Variants in MIB2 observed in about 807,000 individuals in gnomAD.
MIB2 encodes the protein MIB E3 ubiquitin protein ligase 2, also known as E3 ubiquitin-protein ligase MIB2.
In MIB2, 78 loss-of-function variants were observed where a neutral mutation model predicts 96.6. The observed-to-expected ratio is 0.81, with a 90% CI of 0.67 to 0.97. The LOEUF (loss-of-function observed/expected upper bound fraction) is 0.97. MIB2 is among the 50% of genes least tolerant of loss of function. The probability of loss-of-function intolerance (pLI) is 0.00; values close to 1 mark genes in which losing one functional copy is unlikely to be tolerated. For missense variants in MIB2, 1,543 were observed against 1,424.0 expected, an observed-to-expected ratio of 1.08 and a Z score of -1.35; for synonymous variants, 820 against 629.5, an observed-to-expected ratio of 1.30 and a Z score of -4.53.
chr1:1,621,269 G>A (rs1644238091), intron 2 of MIB2, among the ~76,000 whole-genome samples: 1 of 152,172 alleles, frequency 6.6e-6, no homozygotes, highest in South Asian at 2.1e-4. Flanking sequence ...CTGGCTCCGC[G>A]GGGCCTCCGA....
chr1:1,617,286 C>T (rs1643837682), intron 2 of MIB2: 1 of 152,372 alleles, frequency 6.6e-6, no homozygotes, highest in Non-Finnish European at 1.5e-5. Context: ...TAACTTGCTT[C>T]TTCTGAATAA....
Position 1,615,749 on chromosome 1 carries a change from G to A in MIB2, c.-130+116G>A, listed in dbSNP as rs1643558371. ...CCGCTCCCGCTGGCCCAGCAGCCCC[G>A]GGCTGGACTCGGCGTAGGGTCCGCA... On this transcript the variant is annotated intron_variant, in intron 1 of 19. Coordinates refer to ENST00000355826, the MANE Select transcript of MIB2 (RefSeq NM_001170687.4). The A allele has an allele frequency of 6.9e-6, 10 of 1,459,460 alleles. 1 individual carries two copies. Among genetic ancestry groups the A allele is most frequent in the African/African-American group, 3.0e-5 (2 of 67,036 alleles). 90.4% of individuals were successfully genotyped at this position (1,459,460 alleles called of 1,614,324 possible).
At position 1,615,543 on chromosome 1, in the gene MIB2, C is replaced by T; in HGVS notation, c.-220C>T. On this transcript the variant is annotated 5_prime_UTR_variant, in exon 1 of 20. Transcript: ENST00000355826. ...TTTCCAGCCGCCGCTCTCCTCAGTG[C>T]CCGGTGGCCCAGGAGGGCCTGGGAG... The T allele has an allele frequency of 6.5e-7, 1 of 1,535,180 alleles. No homozygotes were observed.
rs780528113 is a variant in MIB2 at position 1,626,652 on chromosome 1, C to T, written c.975C>T (p.His325=). Residue 325 remains histidine, a splice_region_variant and synonymous_variant, in exon 9 of 20, where the codon CAC becomes CAT. Transcript: ENST00000355826. This position sits in a 1 kb window ranked among gnomAD's most constrained non-coding sequence, Gnocchi z 5.3. ...WTFHPGALTK[H]HSFWVGDVVR... ...TCACGCCCCTCTTTGTCGCTCAGCA[C>T]CACTCCTTCTGGGTGGGCGACGTGG... 1.3e-6 allele frequency: 2 copies of T among 1,568,628 alleles called. No individual in the cohort carries two copies.
chr1:1,629,198 G>C lies in MIB2; in HGVS notation c.2268G>C (p.Leu756=). The change falls in exon 17 of 20, where the codon CTG becomes CTC. Residue 756 remains leucine (L), a synonymous_variant. Coordinates refer to ENST00000355826, the MANE Select transcript of MIB2 (RefSeq NM_001170687.4). ...TGGGCGCGGCGGTCGCCTGCTTCCTGGCGCTGGAGGGCGCCGACGTGAGCT... is the reference window on the plus strand; with the variant it reads ...TGGGCGCGGCGGTCGCCTGCTTCCTCGCGCTGGAGGGCGCCGACGTGAGCT... The part of the protein sequence containing the change: ...LTVGAAVACF[L]ALEGADVSYT... The C allele has an allele frequency of 1.3e-6, 2 of 1,519,830 alleles. No homozygotes were observed. The highest frequency in any genetic ancestry group is 2.7e-5 in the East Asian group (1 of 37,494). 94.1% of individuals were successfully genotyped at this position (1,519,830 alleles called of 1,614,324 possible).
rs1192068623 is a variant in MIB2, at chr1:1,629,054, G to C, written c.2203-79G>C. ...TTTAGACATGGGGCGCCGGCTGCTGGGGCTGCCAGGTGCCAGGAGACGCCT... is the reference window on the plus strand; with the variant it reads ...TTTAGACATGGGGCGCCGGCTGCTGCGGCTGCCAGGTGCCAGGAGACGCCT... On this transcript the variant is annotated intron_variant, in intron 16 of 19. Coordinates refer to ENST00000355826, the MANE Select transcript of MIB2 (RefSeq NM_001170687.4). The C allele has an allele frequency of 7.5e-6, 10 of 1,332,256 alleles. No homozygotes were observed. In the East Asian group the frequency reaches 3.0e-4, roughly 40 times the overall value. The allele number at this position is 1,332,256 out of a possible 1,614,324, so 82.5% of individuals were successfully genotyped here. A position where few individuals can be genotyped will look rare whatever the true frequency, so the allele number is the denominator to read the frequency against.
At chr1:1,628,941 T>C (rs1427294890) in intron 16 of MIB2, 192 bp from the exon 17 acceptor site, 2 of 720,652 alleles carry the variant, frequency 2.8e-6, no homozygotes, top group Non-Finnish European at 4.4e-6. Context: ...TGGGGAGAGG[T>C]GGAGCTTAGG....
rs200838431 is a variant in MIB2 at position 1,616,607 on chromosome 1, C to G, written c.-30C>G. The G allele has an allele frequency of 2.2e-4, 354 of 1,592,460 alleles. No homozygotes were observed. The highest frequency in any genetic ancestry group is 3.3e-4 in the Middle Eastern group (2 of 6,022). Reference sequence around the variant, plus strand: ...GGCGGCCCGGCGGGCGACTGGACGGCCGGACAGGTGAGCTCTTGATCGTCC... The same window carrying G: ...GGCGGCCCGGCGGGCGACTGGACGGGCGGACAGGTGAGCTCTTGATCGTCC... On this transcript the variant is annotated 5_prime_UTR_variant, in exon 2 of 20. Coordinates refer to ENST00000355826, the MANE Select transcript of MIB2 (RefSeq NM_001170687.4).
At position 1,625,458 on chromosome 1, in the gene MIB2, GCCCTGCCCT is replaced by G; in HGVS notation, c.864+34_864+42del. 1.3e-6 allele frequency: 2 copies of G among 1,561,394 alleles called. No homozygotes were observed. Among genetic ancestry groups the G allele is most frequent in the South Asian group, 2.3e-5 (2 of 85,396 alleles). ...GCCGCCCCGCCGTGGAGCCCTGTGTGCCCTGCCCTCCCAGCCCTCCGCCCCCTCAGCCCC... is the reference window on the plus strand; with the variant it reads ...GCCGCCCCGCCGTGGAGCCCTGTGTGCCCAGCCCTCCGCCCCCTCAGCCCC... On this transcript the variant is annotated intron_variant, in intron 7 of 19. Coordinates refer to ENST00000355826, the MANE Select transcript of MIB2 (RefSeq NM_001170687.4). The surrounding 1 kb of genome is among the most constrained non-coding windows in gnomAD (Gnocchi z 5.0).
Position 1,629,147 on chromosome 1 carries a change from C to T in MIB2, c.2217C>T (p.Gly739=), listed in dbSNP as rs1365164549. The change falls in exon 17 of 20, where the codon GGC becomes GGT. Residue 739 remains glycine (G), a synonymous_variant. Transcript: ENST00000355826. ...CTGCCGCCCAGCTACAGGCCTCGGG[C>T]CTCCCCGGCAGCGCGGAGCTGACGG... The part of the protein sequence containing the change: ...LQLLSRLQAS[G]LPGSAELTVG... 10 of 1,495,434 alleles carry T rather than the reference C, an allele frequency of 6.7e-6. No individual in the cohort carries two copies. Among genetic ancestry groups the T allele is most frequent in the Non-Finnish European group, 8.8e-6 (10 of 1,131,236 alleles). The allele number at this position is 1,495,434 out of a possible 1,614,324, so 92.6% of individuals were successfully genotyped here.
Position 1,627,349 on chromosome 1 carries a change from C to T in MIB2, c.1428C>T (p.Gly476=). 6.2e-7 allele frequency: 1 copy of T among 1,613,108 alleles called. No individual in the cohort carries two copies. The highest frequency in any genetic ancestry group is 2.2e-5 in the East Asian group (1 of 44,870). Residue 476 remains glycine, a synonymous_variant, in exon 12 of 20, where the codon GGC becomes GGT. Transcript: ENST00000355826. ...RTALQVAAYL[G]QVELIRLLLQ... ...CTCTGCAAGTGGCTGCCTACCTGGG[C>T]CAGGTGGAGTTGATACGGCTGCTGC...
At position 1,627,559 on chromosome 1, in the gene MIB2, A is replaced by C. The variant is rs1231940444; in HGVS notation, c.1524-114A>C. The C allele has an allele frequency of 2.8e-6, 4 of 1,454,016 alleles. No individual in the cohort carries two copies. The African/African-American group carries it at 4.6e-5, about 17-fold the overall frequency. The allele number at this position is 1,454,016 out of a possible 1,614,324, so 90.1% of individuals were successfully genotyped here. A position where few individuals can be genotyped will look rare whatever the true frequency, so the allele number is the denominator to read the frequency against. On this transcript the variant is annotated intron_variant, in intron 12 of 19. Transcript: ENST00000355826. ...TGTGCGTCCTGGGGTGAGGCCTGGG[A>C]GGGGCCCGGCGGGGCTGAGCCTGTG...
At chr1:1,621,090 G>C (rs1165224202) in intron 2 of MIB2, among the ~76,000 whole-genome samples, 1 of 152,252 alleles carries the variant, frequency 6.6e-6, no homozygotes, top group African/African-American at 2.4e-5. Flanking sequence ...TGGTTCTTAT[G>C]TTTCATTCAT....
chr1:1,625,386 G>A lies in MIB2; in HGVS notation c.822G>A (p.Glu274=). The change falls in exon 7 of 20, where the codon GAG becomes GAA. Residue 274 remains glutamate (E), a synonymous_variant. Coordinates refer to ENST00000355826, the MANE Select transcript of MIB2 (RefSeq NM_001170687.4). This position sits in a 1 kb window ranked among gnomAD's most constrained non-coding sequence, Gnocchi z 5.0. ...TGCTGGACACTGATGTCCTGCGGGA[G>A]ATGCAGGAAGGCCACGGCGGCTGGA... ...KCLLDTDVLR[E]MQEGHGGWNP... 6.3e-7 allele frequency: 1 copy of A among 1,588,312 alleles called. No homozygotes were observed. Among genetic ancestry groups the A allele is most frequent in the Non-Finnish European group, 8.6e-7 (1 of 1,168,108 alleles).
chr1:1,617,023 C>A, intron 2 of MIB2: 1 of 204,282 alleles, frequency 4.9e-6, no homozygotes, highest in South Asian at 5.6e-5. Context: ...TAGGTCTCCA[C>A]CCAGATGGGC....
chr1:1,629,688 C>T lies in MIB2; in HGVS notation c.2613C>T (p.Ser871=), dbSNP rs1357973696. Residue 871 remains serine, a synonymous_variant, in exon 19 of 20, where the codon AGC becomes AGT. Transcript: ENST00000355826. ...KKCIRCQVVV[S]KKLRPDGSEV... is the part of the protein sequence containing the mutation. ...GCATCAGGTGCCAGGTGGTCGTCAG[C>T]AAGAAACTGCGCCCAGGTGGGTGAG... The T allele has an allele frequency of 1.9e-6, 3 of 1,598,368 alleles. No homozygotes were observed. Among genetic ancestry groups the T allele is most frequent in the South Asian group, 1.1e-5 (1 of 89,154 alleles).
upstream of MIB2, chr1:1,613,771 T>C (rs1218475729): frequency 2.6e-5 from 4 of 152,186 alleles, no homozygotes; most frequent in African/African-American, 9.7e-5. Context: ...GTAGAGAGCT[T>C]AGGATTTTAT....
Position 1,629,428 on chromosome 1 carries a change from A to T in MIB2, c.2425A>T (p.Thr809Ser). The T allele has an allele frequency of 6.7e-7, 1 of 1,494,298 alleles. No individual in the cohort carries two copies. The highest frequency in any genetic ancestry group is 8.8e-7 in the Non-Finnish European group (1 of 1,131,402). The allele number at this position is 1,494,298 out of a possible 1,614,324, so 92.6% of individuals were successfully genotyped here. ...GGGAAPGPRQTLGTPNTVTNL... is the reference protein window; with the variant it reads ...GGGAAPGPRQSLGTPNTVTNL... ...GGGCGCGGCCCCGGGCCCCAGGCAA[A>T]CGCTCGGGACCCCCAACACCGTGAC... The change falls in exon 18 of 20, where the codon ACG becomes TCG. Residue 809 changes from threonine to serine, a missense_variant. Transcript: ENST00000355826.
chr1:1,623,045 C>T (rs1037433645), intron 2 of MIB2: 77 of 348,996 alleles, frequency 2.2e-4, no homozygotes, highest in African/African-American at 1.4e-3. Flanking sequence ...GTGAGTGTCT[C>T]GGGGGACGGC....
Sources: allele counts gnomAD v4.1 joint callset (sites outside exome capture counted in the v4.1 genomes callset), GRCh38; gene constraint gnomAD v4.1.1; non-coding constraint Gnocchi (gnomAD v3.1); transcripts MANE v1.5; gene names NCBI Gene and HGNC (gene_info 2026-07-23, HGNC 2026-07-21).